Variants in NPNT observed in about 807,000 individuals in gnomAD.
NPNT encodes the protein preosteoblast EGF-like repeat protein with MAM domain.
Under a neutral mutation model 68.6 loss-of-function variants are expected in NPNT, and 45 were observed. The ratio of observed to expected loss-of-function variants is 0.66; its 90% CI spans 0.52 to 0.84. The LOEUF is 0.84. Ranked by LOEUF, NPNT falls within the 40% of genes least tolerant of loss-of-function variation. The pLI is 0.00. For missense variants in NPNT, 672 were observed against 714.8 expected (o/e 0.94, Z 0.68); for synonymous variants, 233 against 253.3 (o/e 0.92, Z 0.76).
intron 2 of NPNT, among the ~76,000 whole-genome samples, chr4:105,920,396 A>T (rs1728161412): frequency 3.9e-4 from 1 of 2,594 alleles, no homozygotes; most frequent in Non-Finnish European, 2.1e-3. Flanking sequence ...TTACTCTACT[A>T]AAAAAAAAAA....
At chr4:105,932,547 A>C in intron 3 of NPNT, 1 of 1,073,910 alleles carries the variant, frequency 9.3e-7, no homozygotes, top group Non-Finnish European at 1.4e-6. Context: ...ATACTTGCAA[A>C]GATTTTTAGG....
chr4:105,924,259 C>T (rs530635366), intron 2 of NPNT, among the ~76,000 whole-genome samples: 1 of 152,172 alleles, frequency 6.6e-6, no homozygotes, highest in East Asian at 1.9e-4. Context: ...TCTCTAATCC[C>T]CTGCCACACT....
In NPNT at chr4:105,942,503, A is replaced by G; in HGVS notation, c.960A>G (p.Pro320=). ...CTAAGCCAACAACAAGACCTACACC[A>G]AAGCCAACACCAATTCCTACTCCAC... ...PTSKPTTRPT[P]KPTPIPTPPP... Residue 320 remains proline, a synonymous_variant, in exon 8 of 12, where the codon CCA becomes CCG. Transcript: ENST00000379987. 1 of 1,613,868 alleles carries G rather than the reference A, an allele frequency of 6.2e-7. No homozygotes were observed. The highest frequency in any genetic ancestry group is 1.1e-5 in the South Asian group (1 of 91,062).
chr4:105,939,380 C>T (rs1005641559), intron 5 of NPNT, among the ~76,000 whole-genome samples: 1 of 152,094 alleles, frequency 6.6e-6, no homozygotes, highest in African/African-American at 2.4e-5. Flanking sequence ...GAAGAAGGTC[C>T]ATGTAGCTCA....
At chr4:105,954,612 A>C (rs751944358) in intron 8 of NPNT, among the ~76,000 whole-genome samples, 1 of 152,132 alleles carries the variant, frequency 6.6e-6, no homozygotes, top group Non-Finnish European at 1.5e-5. Flanking sequence ...CTCTGCCTCT[A>C]TCTCCAATTC....
At position 105,940,102 on chromosome 4, in the gene NPNT, C is replaced by G. The variant is rs369078648; in HGVS notation, c.533C>G (p.Ala178Gly). 3.1e-6 allele frequency: 5 copies of G among 1,612,762 alleles called. No individual in the cohort carries two copies. The African/African-American group carries it at 6.7e-5, about 22-fold the overall frequency. Residue 178 changes from alanine to glycine, a missense_variant, in exon 6 of 12, where the codon GCC (alanine) becomes GGC (glycine). By Grantham distance (60) the Ala-to-Gly change is moderately conservative. Coordinates refer to ENST00000379987, the MANE Select transcript of NPNT (RefSeq NM_001033047.3). ...GTTGATGAATGTGCTACAGGAAGAGCCTCCTGCCCTAGATTTAGGCAATGT... is the reference window on the plus strand; with the variant it reads ...GTTGATGAATGTGCTACAGGAAGAGGCTCCTGCCCTAGATTTAGGCAATGT... The part of the protein sequence containing the change: ...VDVDECATGR[A>G]SCPRFRQCVN...
At chr4:105,898,290 TTCTCTCTCTCTCTCTCTCTCTGTC>T (rs1726052221) in intron 2 of NPNT, among the ~76,000 whole-genome samples, 1 of 94,774 alleles carries the variant, frequency 1.1e-5, no homozygotes, top group Non-Finnish European at 2.1e-5. Context: ...CCAGGTTTAT[TTCTCTCTCTCTCTCTCTCTCTGTC>T]TCTCTCTCTC....
At chr4:105,950,489 T>A (rs4699204) in intron 8 of NPNT, among the ~76,000 whole-genome samples, 1 of 151,796 alleles carries the variant, frequency 6.6e-6, no homozygotes, top group Non-Finnish European at 1.5e-5. Context: ...GGCTCACTCT[T>A]TTACCCAGAC....
At chr4:105,915,545 T>A (rs1193269425) in intron 2 of NPNT, among the ~76,000 whole-genome samples, 3 of 152,140 alleles carry the variant, frequency 2.0e-5, no homozygotes, top group Non-Finnish European at 2.9e-5. Context: ...ACCCAAAGCG[T>A]TTGACTCAGC....
intron 2 of NPNT, among the ~76,000 whole-genome samples, chr4:105,910,042 A>T (rs1727234695): frequency 6.6e-6 from 1 of 151,736 alleles, no homozygotes; most frequent in South Asian, 2.1e-4. Context: ...ACTATACATG[A>T]GAAGATGGGC....
At position 105,958,490 on chromosome 4, in the gene NPNT, T is replaced by C. The variant is rs758764749; in HGVS notation, c.1179T>C (p.Asn393=). The C allele has an allele frequency of 3.7e-6, 6 of 1,610,948 alleles. No individual in the cohort carries two copies. The South Asian group carries it at 6.6e-5, about 18-fold the overall frequency. The change falls in exon 9 of 12, where the codon AAT becomes AAC. Residue 393 remains asparagine (N), a synonymous_variant. Transcript: ENST00000379987. The stretch of plus-strand genomic sequence containing the variant: ...TTGCAGTTCCACGGCAACCTTCAAA[T>C]GACTTGTTTGAAATATTTGAAATAG... ...GDVFIPRQPS[N]DLFEIFEIER... is the part of the protein sequence containing the mutation.
chr4:105,964,255 A>G (rs999118570), intron 10 of NPNT, among the ~76,000 whole-genome samples: 1 of 152,176 alleles, frequency 6.6e-6, no homozygotes, highest in Non-Finnish European at 1.5e-5. Context: ...CTGCTATTCC[A>G]TTACTCATCA....
rs1214192275 is a variant in NPNT, at chr4:105,940,153, G to T, written c.584G>T (p.Cys195Phe). 6.2e-7 allele frequency: 1 copy of T among 1,612,530 alleles called. No homozygotes were observed. Residue 195 changes from cysteine to phenylalanine, a missense_variant, in exon 6 of 12, where the codon TGC becomes TTC. By Grantham distance (205) the Cys-to-Phe change is radical (BLOSUM62 -2). Coordinates refer to ENST00000379987, the MANE Select transcript of NPNT (RefSeq NM_001033047.3). ...GTCAACACTTTTGGGAGCTACATCT[G>T]CAAGTGTCATAAAGGCTTCGATCTC... ...QCVNTFGSYICKCHKGFDLMY... is the reference protein window; with the variant it reads ...QCVNTFGSYIFKCHKGFDLMY...
At position 105,932,328 on chromosome 4, in the gene NPNT, G is replaced by T. The variant is rs555246631; in HGVS notation, c.266-4681G>T. On this transcript the variant is annotated intron_variant, in intron 3 of 11. Transcript: ENST00000379987. ...ACTAAATAATACTTTTAAAAATGAT[G>T]ATCTCTTGTTTGGAATTTTTTAAAA... Among the ~76,000 whole-genome samples the T allele has an allele frequency of 5.9e-5, 9 of 152,084 alleles. No homozygotes were observed. In the South Asian group the frequency reaches 1.2e-3, roughly 21 times the overall value.
chr4:105,938,502 A>T (rs1729679182), intron 5 of NPNT, 82 bp downstream of exon 5: 2 of 1,418,610 alleles, frequency 1.4e-6, no homozygotes, highest in African/African-American at 1.4e-5. Flanking sequence ...AATAAGGAAA[A>T]AAAAGGCAAT....
At chr4:105,940,003 A>AT in intron 5 of NPNT, 72 bp from the exon 6 acceptor site, 1 of 1,324,964 alleles carries the variant, frequency 7.5e-7, no homozygotes, top group East Asian at 2.3e-5. Context: ...GTAGTCAGTT[A>AT]TTTATTTTGA....
chr4:105,898,312 G>GTCTCTCTCTC (rs1386038909), intron 2 of NPNT, among the ~76,000 whole-genome samples: 4 of 39,160 alleles, frequency 1.0e-4, no homozygotes, highest in Admixed American at 2.4e-4. Flanking sequence ...CTCTCTCTCT[G>GTCTCTCTCTC]TCTCTCTCTC....
chr4:105,934,628 C>T (rs2149364687), intron 3 of NPNT, among the ~76,000 whole-genome samples: 1 of 152,328 alleles, frequency 6.6e-6, no homozygotes, highest in South Asian at 2.1e-4. Flanking sequence ...TGGTAGAGTA[C>T]AGCTTTCTCA....
chr4:105,935,224 G>A (rs1369638536), intron 3 of NPNT, among the ~76,000 whole-genome samples: 1 of 152,142 alleles, frequency 6.6e-6, no homozygotes, highest in African/African-American at 2.4e-5. Flanking sequence ...ACTGTGTTAT[G>A]TTGTGGTTTT....
Sources: allele counts gnomAD v4.1 joint callset (sites outside exome capture counted in the v4.1 genomes callset), GRCh38; gene constraint gnomAD v4.1.1; transcripts MANE v1.5; gene names NCBI Gene and HGNC (gene_info 2026-07-23, HGNC 2026-07-21).